CATSPERB: variants seen among roughly 807,000 people sequenced by gnomAD.
The protein encoded by CATSPERB is cation channel sperm-associated auxiliary subunit beta.
A neutral mutation model predicts 128.3 loss-of-function variants in CATSPERB; 93 were observed. That is an observed-to-expected ratio of 0.72 (90% CI 0.61 to 0.86). CATSPERB has a LOEUF of 0.86. Among genes scored for constraint, CATSPERB ranks in the 40% least tolerant of loss-of-function variants. CATSPERB has a pLI of 0.00. For synonymous variants in CATSPERB, 381 were observed against 448.8 expected (o/e 0.85, Z 1.91); for missense variants, 1,153 against 1,329.5 (o/e 0.87, Z 2.06).
At chr14:91,644,409 A>G (rs1213687822) in intron 15 of CATSPERB, among the ~76,000 whole-genome samples, 1 of 149,986 alleles carries the variant, frequency 6.7e-6, no homozygotes, top group African/African-American at 2.5e-5. Flanking sequence ...AGGCCTGGTG[A>G]TGACAAAATC....
chr14:91,678,948 T>A (rs537610739), intron 11 of CATSPERB, among the ~76,000 whole-genome samples: 1 of 152,182 alleles, frequency 6.6e-6, no homozygotes, highest in African/African-American at 2.4e-5. Context: ...GCTTTAAAAA[T>A]GGTTAACAGG....
intron 15 of CATSPERB, among the ~76,000 whole-genome samples, chr14:91,648,965 G>A (rs930897808): frequency 2.0e-5 from 3 of 148,668 alleles, no homozygotes; most frequent in Non-Finnish European, 4.4e-5. Context: ...ACTTCACCTG[G>A]CACTTCCCAT....
chr14:91,592,010 T>C lies in CATSPERB; in HGVS notation c.2710-8A>G. The C allele has an allele frequency of 1.3e-6, 2 of 1,574,504 alleles. No homozygotes were observed. The highest frequency in any genetic ancestry group is 1.7e-4 in the Middle Eastern group (1 of 5,986). On this transcript the variant is annotated splice_polypyrimidine_tract_variant and splice_region_variant and intron_variant, in intron 22 of 26. Coordinates refer to ENST00000256343, the MANE Select transcript of CATSPERB (RefSeq NM_024764.4). The stretch of plus-strand genomic sequence containing the variant: ...TTTGAATTTACCGGTTTTCTGCAAA[T>C]AGAAGTAACAGATGTTGACTTGTTT...
At chr14:91,716,632 C>T (rs896826693) in intron 5 of CATSPERB, among the ~76,000 whole-genome samples, 6 of 151,660 alleles carry the variant, frequency 4.0e-5, no homozygotes, top group South Asian at 2.1e-4. Flanking sequence ...CAATTAAATG[C>T]CACTACACTT....
intron 17 of CATSPERB, chr14:91,635,749 T>C (rs1255034673): frequency 1.3e-5 from 2 of 152,264 alleles, no homozygotes; most frequent in African/African-American, 4.8e-5. Flanking sequence ...GAATTCTGTA[T>C]ATTGTTCAAT....
intron 4 of CATSPERB, among the ~76,000 whole-genome samples, chr14:91,720,980 T>G (rs73335756): frequency 0.019 from 2,821 of 152,248 alleles, 86 homozygotes; most frequent in African/African-American, 0.064. Flanking sequence ...AATAGAAGAA[T>G]AATAGTCTTT....
intron 14 of CATSPERB, among the ~76,000 whole-genome samples, chr14:91,668,207 C>T (rs1021999493): frequency 4.6e-5 from 7 of 151,622 alleles, no homozygotes; most frequent in Admixed American, 6.6e-5. Context: ...CTTCCTGGGT[C>T]GAGTAGGGAC....
chr14:91,715,215 A>C (rs1895917253), intron 5 of CATSPERB: 1 of 152,154 alleles, frequency 6.6e-6, no homozygotes, highest in Admixed American at 6.5e-5. Context: ...AGATGTAAAC[A>C]AATGGAGAGA....
intron 14 of CATSPERB, among the ~76,000 whole-genome samples, chr14:91,666,909 A>G (rs1422382133): frequency 6.6e-6 from 1 of 152,198 alleles, no homozygotes; most frequent in Non-Finnish European, 1.5e-5. Flanking sequence ...GCCCGAGATG[A>G]TCTCTTAGAA....
At chr14:91,614,326 C>T (rs750357778) in intron 20 of CATSPERB, among the ~76,000 whole-genome samples, 8 of 152,136 alleles carry the variant, frequency 5.3e-5, no homozygotes, top group African/African-American at 7.2e-5. Context: ...AACCTCTACA[C>T]TGCCTTTTTA....
chr14:91,673,828 A>C (rs1986330), intron 12 of CATSPERB, among the ~76,000 whole-genome samples: 1 of 151,450 alleles, frequency 6.6e-6, no homozygotes, highest in Non-Finnish European at 1.5e-5. Flanking sequence ...GGTTGCAGTG[A>C]GCCAAGATCA....
chr14:91,667,466 G>GA (rs1895006588), intron 14 of CATSPERB, among the ~76,000 whole-genome samples: 1 of 152,148 alleles, frequency 6.6e-6, no homozygotes, highest in Admixed American at 6.5e-5. Context: ...AAGTAGTCAA[G>GA]AAAAAACAGC....
chr14:91,602,761 T>TA (rs1015092085), intron 22 of CATSPERB, among the ~76,000 whole-genome samples: 33 of 152,224 alleles, frequency 2.2e-4, no homozygotes, highest in African/African-American at 7.5e-4. Flanking sequence ...ATTTCATGCC[T>TA]ACTAGGTTGC....
At chr14:91,691,676 T>G (rs1895474363) in intron 9 of CATSPERB, 121 bp from the exon 10 acceptor site, 1 of 677,444 alleles carries the variant, frequency 1.5e-6, no homozygotes, top group Non-Finnish European at 2.4e-6. Context: ...AAATTATAAC[T>G]AAATTATATG....
chr14:91,648,579 A>C (rs1241442148), intron 15 of CATSPERB, among the ~76,000 whole-genome samples: 1 of 151,174 alleles, frequency 6.6e-6, no homozygotes, highest in East Asian at 1.9e-4. Context: ...ATATTTACAT[A>C]TCTTGTATTC....
intron 7 of CATSPERB, among the ~76,000 whole-genome samples, chr14:91,703,564 A>G (rs1895686675): frequency 6.6e-6 from 1 of 152,204 alleles, no homozygotes; most frequent in Non-Finnish European, 1.5e-5. Context: ...CCCACAGTGC[A>G]TCTCCCAGGA....
At chr14:91,655,321 C>G (rs1006123066) in intron 15 of CATSPERB, among the ~76,000 whole-genome samples, 1 of 152,160 alleles carries the variant, frequency 6.6e-6, no homozygotes, top group Admixed American at 6.6e-5. Flanking sequence ...AGAACATGAC[C>G]TCACCAAAGG....
intron 17 of CATSPERB, among the ~76,000 whole-genome samples, chr14:91,634,305 G>A (rs1894329529): frequency 1.3e-5 from 2 of 152,208 alleles, no homozygotes; most frequent in East Asian, 1.9e-4. Context: ...TCTTGATTAG[G>A]CTGAGGAGGC....
chr14:91,681,521 C>A (rs981527199), intron 11 of CATSPERB, among the ~76,000 whole-genome samples: 4 of 152,174 alleles, frequency 2.6e-5, no homozygotes, highest in African/African-American at 9.7e-5. Flanking sequence ...GCAGGTTGAA[C>A]CCTTTTGAGA....
Sources: gnomAD v4.1 joint callset for allele counts (sites outside exome capture counted in the v4.1 genomes callset) on GRCh38, gnomAD v4.1.1 for gene constraint, MANE v1.5 for transcripts, NCBI Gene and HGNC (gene_info 2026-07-23, HGNC 2026-07-21) for gene names.